Variants in XRN1 observed in about 807,000 individuals in gnomAD.
The protein encoded by XRN1 is 5'-3' exoribonuclease 1, also known as strand-exchange protein 1 homolog.
In XRN1, 67 loss-of-function variants were observed where a neutral mutation model predicts 222.3. That is an observed-to-expected ratio of 0.30 (90% CI 0.25 to 0.37). The LOEUF is 0.37. Ranked by LOEUF, XRN1 falls within the 10% of genes least tolerant of loss-of-function variation. The pLI, the probability that XRN1 is intolerant of heterozygous loss-of-function variation, is 1.00. For synonymous variants in XRN1, 643 were observed against 652.4 expected (o/e 0.99, Z 0.22); for missense variants, 1,707 against 2,000.2 (o/e 0.85, Z 2.80).
At chr3:142,334,306 T>C (rs1577238805) in intron 34 of XRN1, among the ~76,000 whole-genome samples, 1 of 152,084 alleles carries the variant, frequency 6.6e-6, no homozygotes, top group East Asian at 1.9e-4. Flanking sequence ...GGGTTCCATT[T>C]ACTACCTGTT....
intron 25 of XRN1, among the ~76,000 whole-genome samples, chr3:142,372,917 G>A (rs926620592): frequency 6.6e-6 from 1 of 152,194 alleles, no homozygotes; most frequent in Non-Finnish European, 1.5e-5. Context: ...TGTAGAAACA[G>A]GAAAGTCCCT....
rs2070607840 is a variant in XRN1, at chr3:142,448,003, G to A, written c.-59C>T. 3.2e-6 allele frequency: 5 copies of A among 1,572,262 alleles called. No individual in the cohort carries two copies. The highest frequency in any genetic ancestry group is 4.4e-6 in the Non-Finnish European group (5 of 1,147,424). ...AACCGAAACCAAACGCCCCGCCGGG[G>A]CTCCGCCGCAGCCTCCGGTCGTCGC... is the stretch of plus-strand genomic sequence containing the variant. On this transcript the variant is annotated 5_prime_UTR_variant, in exon 1 of 41. Transcript: ENST00000392981.
At chr3:142,373,734 T>A (rs1244497492) in intron 25 of XRN1, among the ~76,000 whole-genome samples, 1 of 152,130 alleles carries the variant, frequency 6.6e-6, no homozygotes, top group Non-Finnish European at 1.5e-5. Context: ...ATACCTGTAA[T>A]CCCAGCACTT....
chr3:142,337,218 A>T (rs1041088211), intron 33 of XRN1, among the ~76,000 whole-genome samples: 1 of 152,056 alleles, frequency 6.6e-6, no homozygotes, highest in African/African-American at 2.4e-5. Context: ...CTGGAATCTC[A>T]TCTCCTCAGA....
At chr3:142,355,903 T>C (rs989986438) in intron 31 of XRN1, among the ~76,000 whole-genome samples, 2 of 152,122 alleles carry the variant, frequency 1.3e-5, no homozygotes, top group Non-Finnish European at 2.9e-5. Context: ...AGATGTGAGC[T>C]ACCACGTCCA....
At chr3:142,369,075 A>C (rs915918599) in intron 27 of XRN1, among the ~76,000 whole-genome samples, 1 of 152,226 alleles carries the variant, frequency 6.6e-6, no homozygotes, top group African/African-American at 2.4e-5. Flanking sequence ...GTGTTAGGGG[A>C]GACAGCTCCA....
chr3:142,358,740 G>A (rs1315129196), intron 30 of XRN1, among the ~76,000 whole-genome samples: 6 of 151,826 alleles, frequency 4.0e-5, no homozygotes, highest in South Asian at 2.1e-4. Flanking sequence ...AGTGTAGACC[G>A]GAAAAGTCTT....
chr3:142,363,325 G>A (rs953502699), intron 29 of XRN1, among the ~76,000 whole-genome samples: 6 of 151,260 alleles, frequency 4.0e-5, no homozygotes, highest in Admixed American at 3.3e-4. Flanking sequence ...TATACAGCAC[G>A]ATTTTTAAAT....
Position 142,384,577 on chromosome 3 carries a change from T to C in XRN1, c.2448A>G (p.Leu816=), listed in dbSNP as rs766313910. ...YQINQNGEVR[L]EKQWSKQVVP... is the part of the protein sequence containing the mutation. ...CAACTTGTTTTGACCACTGTTTCTC[T>C]AGACGAACTTCACCATTTTGATTTA... The change falls in exon 21 of 41, where the codon CTA becomes CTG. Residue 816 remains leucine (L), a synonymous_variant. Coordinates refer to ENST00000392981, the MANE Select transcript of XRN1 (RefSeq NM_001282857.2). 1.1e-5 allele frequency: 17 copies of C among 1,613,296 alleles called. No homozygotes were observed. In the South Asian group the frequency reaches 1.9e-4, roughly 18 times the overall value.
intron 2 of XRN1, among the ~76,000 whole-genome samples, chr3:142,427,882 T>A (rs1206532830): frequency 8.5e-5 from 13 of 152,262 alleles, no homozygotes. Flanking sequence ...CTTCATCTAC[T>A]GTGCCCCACA....
chr3:142,428,916 T>C (rs1173739902), intron 2 of XRN1, among the ~76,000 whole-genome samples: 1 of 152,104 alleles, frequency 6.6e-6, no homozygotes, highest in Admixed American at 6.6e-5. Flanking sequence ...TCAAAGCCAT[T>C]GGATGAAATC....
chr3:142,401,935 T>C (rs2068151838), intron 18 of XRN1, among the ~76,000 whole-genome samples: 1 of 152,206 alleles, frequency 6.6e-6, no homozygotes, highest in African/African-American at 2.4e-5. Flanking sequence ...TTACATCCTC[T>C]GCTCCATGCT....
chr3:142,358,866 A>C (rs2066539146), intron 30 of XRN1, among the ~76,000 whole-genome samples: 1 of 152,144 alleles, frequency 6.6e-6, no homozygotes, highest in Admixed American at 6.5e-5. Flanking sequence ...AAGGGTAATT[A>C]ATTTTTTATT....
chr3:142,443,069 C>T (rs143473329), intron 1 of XRN1, among the ~76,000 whole-genome samples: 2,533 of 152,260 alleles, frequency 0.017, 71 homozygotes, highest in African/African-American at 0.058. Context: ...TTAAGTTTGT[C>T]TCTTCCAGAA....
intron 2 of XRN1, among the ~76,000 whole-genome samples, chr3:142,431,877 AT>A (rs1559879445): frequency 2.1e-5 from 1 of 47,298 alleles, no homozygotes; most frequent in Non-Finnish European, 3.4e-5. Context: ...ATATTATATT[AT>A]ATATATTATA....
intron 15 of XRN1, among the ~76,000 whole-genome samples, chr3:142,410,545 G>A (rs547590160): frequency 1.4e-5 from 2 of 138,100 alleles, no homozygotes; most frequent in Admixed American, 1.5e-4. Context: ...CCAGGCTGGA[G>A]TGCAGTGGCT....
intron 13 of XRN1, 76 bp downstream of exon 13, chr3:142,417,064 T>C (rs1008493813): frequency 1.0e-6 from 1 of 1,003,946 alleles, no homozygotes; most frequent in Non-Finnish European, 1.4e-6. Flanking sequence ...TAAAAGGAAG[T>C]GCTTCCTAAA....
At chr3:142,412,860 ACTC>A (rs1331989892) in intron 14 of XRN1, among the ~76,000 whole-genome samples, 197 bp from the exon 15 acceptor site, 1 of 152,082 alleles carries the variant, frequency 6.6e-6, no homozygotes, top group Non-Finnish European at 1.5e-5. Flanking sequence ...TTTCACTACT[ACTC>A]ATCATTTATA....
intron 20 of XRN1, 149 bp downstream of exon 20, chr3:142,397,180 T>G (rs1298809180): frequency 8.5e-6 from 6 of 706,716 alleles, no homozygotes; most frequent in African/African-American, 1.8e-5. Context: ...GGTATCATTT[T>G]AAACTAGAAC....
Sources: allele counts gnomAD v4.1 joint callset (sites outside exome capture counted in the v4.1 genomes callset), GRCh38; gene constraint gnomAD v4.1.1; transcripts MANE v1.5; gene names NCBI Gene and HGNC (gene_info 2026-07-23, HGNC 2026-07-21).